ADORA2B: variants seen among roughly 807,000 people sequenced by gnomAD.
ADORA2B encodes adenosine receptor A2b.
A neutral mutation model predicts 20.8 loss-of-function variants in ADORA2B; 18 were observed. The ratio of observed to expected loss-of-function variants is 0.87; its 90% CI spans 0.60 to 1.29. The LOEUF (loss-of-function observed/expected upper bound fraction) is 1.29, where lower values mean the gene tolerates loss of function less well. Ranked by LOEUF, ADORA2B falls within the 50% of genes most tolerant of loss-of-function variation. ADORA2B has a pLI of 0.00. For synonymous variants in ADORA2B, 179 were observed against 178.3 expected (o/e 1.00, Z -0.03); for missense variants, 441 against 422.7 (o/e 1.04, Z -0.38).
At chr17:15,852,932 CAGAT>C in the ADORA2B span, among the ~76,000 whole-genome samples, 4 of 151,684 alleles carry the variant, frequency 2.6e-5, no homozygotes, top group Non-Finnish European at 5.9e-5. Flanking sequence ...AAAAACAAGA[CAGAT>C]AGGGCAGAAG....
the ADORA2B span, among the ~76,000 whole-genome samples, chr17:15,914,515 A>T: frequency 6.6e-6 from 1 of 152,194 alleles, no homozygotes; most frequent in Admixed American, 6.5e-5. Flanking sequence ...GTTAAAAAAA[A>T]CAGGATGTGT....
chr17:15,927,371 T>C, the ADORA2B span, among the ~76,000 whole-genome samples: 3 of 152,050 alleles, frequency 2.0e-5, no homozygotes, highest in African/African-American at 7.2e-5. Flanking sequence ...TAGTCCCAGC[T>C]ACTCAGGAGG....
the ADORA2B span, among the ~76,000 whole-genome samples, chr17:15,867,458 C>CGTCT: frequency 6.7e-6 from 1 of 148,286 alleles, no homozygotes. Context: ...GTGAGGAGAC[C>CGTCT]CTCTGCCTGG....
chr17:15,934,607 T>G, the ADORA2B span, among the ~76,000 whole-genome samples: 6 of 152,200 alleles, frequency 3.9e-5, no homozygotes, highest in Non-Finnish European at 7.3e-5. Context: ...CTAGTGTACC[T>G]TTTTAATTCT....
intron 1 of ADORA2B, among the ~76,000 whole-genome samples, chr17:15,956,851 C>T (rs934574791): frequency 1.1e-4 from 17 of 152,078 alleles, no homozygotes; most frequent in African/African-American, 3.6e-4. Context: ...CTACTCGCCT[C>T]GGCCTCCCAA....
the ADORA2B span, among the ~76,000 whole-genome samples, chr17:15,936,504 A>G: frequency 9.9e-3 from 1,502 of 151,010 alleles, 32 homozygotes; most frequent in African/African-American, 0.034. Context: ...TTTTTTAGTA[A>G]AGACAGGATT....
chr17:15,890,090 A>T, the ADORA2B span, among the ~76,000 whole-genome samples: 8 of 129,160 alleles, frequency 6.2e-5, 2 homozygotes, highest in Admixed American at 6.1e-4. Context: ...AATACTTCCA[A>T]TTGCCTTCTT....
chr17:15,916,634 C>T, the ADORA2B span, among the ~76,000 whole-genome samples: 1 of 151,588 alleles, frequency 6.6e-6, no homozygotes, highest in African/African-American at 2.4e-5. Context: ...CTATAGATAA[C>T]ATAACCAATT....
In ADORA2B at chr17:15,945,196, C is replaced by T. The variant is rs1489457332; in HGVS notation, c.-53C>T. 1.5e-6 allele frequency: 2 copies of T among 1,369,904 alleles called. No individual in the cohort carries two copies. Among genetic ancestry groups the T allele is most frequent in the Non-Finnish European group, 1.9e-6 (2 of 1,067,226 alleles). 84.9% of individuals were successfully genotyped at this position (1,369,904 alleles called of 1,614,324 possible). On this transcript the variant is annotated 5_prime_UTR_variant, in exon 1 of 2. Transcript: ENST00000304222. ...GCCCGGCGGGTCTCACGCGGCTGCC[C>T]CTCGCCCGGCGCGCCTTCGGTAGGG...
chr17:15,958,753 G>A (rs1044395472), intron 1 of ADORA2B, among the ~76,000 whole-genome samples: 1 of 152,056 alleles, frequency 6.6e-6, no homozygotes, highest in African/African-American at 2.4e-5. Context: ...CATTTTCTCT[G>A]TGCCCCTGAA....
At chr17:15,929,509 A>G in the ADORA2B span, among the ~76,000 whole-genome samples, 3 of 152,192 alleles carry the variant, frequency 2.0e-5, no homozygotes, top group African/African-American at 7.2e-5. Context: ...GAGGTGGCCA[A>G]GGAGCACTGT....
chr17:15,860,144 A>C, the ADORA2B span, among the ~76,000 whole-genome samples: 4 of 152,192 alleles, frequency 2.6e-5, no homozygotes, highest in African/African-American at 9.7e-5. Flanking sequence ...TCAATCGATC[A>C]CGACCCTCTC....
At chr17:15,959,564 G>A (rs1000657633) in intron 1 of ADORA2B, among the ~76,000 whole-genome samples, 3 of 143,776 alleles carry the variant, frequency 2.1e-5, no homozygotes, top group African/African-American at 5.2e-5. Flanking sequence ...GCAATGGCGC[G>A]ATCTGAGCTC....
chr17:15,938,980 A>G, the ADORA2B span, among the ~76,000 whole-genome samples: 1 of 152,154 alleles, frequency 6.6e-6, no homozygotes, highest in Non-Finnish European at 1.5e-5. Flanking sequence ...AATGTATATC[A>G]AATATCTCTC....
At chr17:15,931,309 G>A in the ADORA2B span, among the ~76,000 whole-genome samples, 1 of 152,192 alleles carries the variant, frequency 6.6e-6, no homozygotes, top group Non-Finnish European at 1.5e-5. Context: ...GTCACCCTGA[G>A]GCAACTCTTC....
chr17:15,920,719 CAAAAA>C, the ADORA2B span, among the ~76,000 whole-genome samples: 1 of 89,362 alleles, frequency 1.1e-5, no homozygotes, highest in Non-Finnish European at 2.4e-5. Context: ...GACTCCGTCT[CAAAAA>C]AAAAAAAAAA....
chr17:15,854,670 A>G, the ADORA2B span, among the ~76,000 whole-genome samples: 1 of 152,368 alleles, frequency 6.6e-6, no homozygotes, highest in East Asian at 1.9e-4. Flanking sequence ...ACATGGATAC[A>G]TGGAATTGTG....
chr17:15,871,167 G>T, the ADORA2B span, among the ~76,000 whole-genome samples: 1 of 152,324 alleles, frequency 6.6e-6, no homozygotes, highest in Admixed American at 6.5e-5. Flanking sequence ...CCAGAGGTAT[G>T]AAACTATGAG....
rs761633720 is a variant in ADORA2B at position 15,975,540 on chromosome 17, T to C, written c.*198T>C. The C allele has an allele frequency of 4.0e-5, 24 of 599,826 alleles. No homozygotes were observed. The highest frequency in any genetic ancestry group is 2.0e-5 in the Non-Finnish European group (7 of 342,120). 37.2% of individuals were successfully genotyped at this position (599,826 alleles called of 1,614,324 possible). ...CTCCAAGGATTGACAAATATATTTATGATCTATTCAGCTGCTTTTACTGTG... is the reference window on the plus strand; with the variant it reads ...CTCCAAGGATTGACAAATATATTTACGATCTATTCAGCTGCTTTTACTGTG... On this transcript the variant is annotated 3_prime_UTR_variant, in exon 2 of 2. Transcript: ENST00000304222.
Sources: gnomAD v4.1 joint callset for allele counts (sites outside exome capture counted in the v4.1 genomes callset) on GRCh38, gnomAD v4.1.1 for gene constraint, MANE v1.5 for transcripts, NCBI Gene and HGNC (gene_info 2026-07-23, HGNC 2026-07-21) for gene names.